The following HTR4 variants were observed in gnomAD, a reference collection of about 807,000 sequenced individuals.
HTR4 encodes 5-hydroxytryptamine (serotonin) receptor 4, G protein-coupled.
A neutral mutation model predicts 36.8 loss-of-function variants in HTR4; 16 were observed. The observed-to-expected ratio is 0.43, with a 90% CI of 0.29 to 0.66. The LOEUF (loss-of-function observed/expected upper bound fraction) is 0.66. Ranked by LOEUF, HTR4 falls within the 30% of genes least tolerant of loss-of-function variation. The probability of loss-of-function intolerance (pLI) is 0.13; values close to 1 mark genes in which losing one functional copy is unlikely to be tolerated. For synonymous variants in HTR4, 189 were observed against 185.1 expected (o/e 1.02, Z -0.17); for missense variants, 438 against 490.9 (o/e 0.89, Z 1.02).
Position 148,605,675 on chromosome 5 carries a change from C to T in HTR4, c.26+31314G>A, listed in dbSNP as rs182030891. Reference sequence around the variant, plus strand: ...CCCTTCAGGACAAATTATCTATGGCCCTGAAGTCAGGATCATGTAACAGAT... The same window carrying T: ...CCCTTCAGGACAAATTATCTATGGCTCTGAAGTCAGGATCATGTAACAGAT... On this transcript the variant is annotated intron_variant, in intron 2 of 6. Transcript: ENST00000377888. 2.1e-3 allele frequency among the ~76,000 whole-genome samples: 324 copies of T among 151,790 alleles called. 1 individual carries two copies. Among genetic ancestry groups the T allele is most frequent in the Non-Finnish European group, 4.2e-3 (288 of 67,938 alleles).
chr5:148,596,622 C>A (rs751491245), intron 2 of HTR4, among the ~76,000 whole-genome samples: 6 of 151,890 alleles, frequency 4.0e-5, no homozygotes, highest in Admixed American at 2.0e-4. Context: ...ATCACCACCC[C>A]CTTCTGCTGC....
chr5:148,625,897 T>A (rs1753084632), intron 2 of HTR4, among the ~76,000 whole-genome samples: 1 of 152,110 alleles, frequency 6.6e-6, no homozygotes, highest in South Asian at 2.1e-4. Flanking sequence ...TTTTTTTTTT[T>A]TTGAAGTGGA....
chr5:148,455,790 T>C (rs1011268748), intron 5 of HTR4, among the ~76,000 whole-genome samples: 8 of 152,202 alleles, frequency 5.3e-5, no homozygotes, highest in Admixed American at 3.9e-4. Flanking sequence ...ATTTTGTACT[T>C]ATAATAAAGT....
downstream of HTR4, among the ~76,000 whole-genome samples, chr5:148,472,947 G>A (rs141602716): frequency 3.3e-5 from 5 of 152,218 alleles, no homozygotes; most frequent in East Asian, 9.7e-4. Flanking sequence ...TTATTGTTGT[G>A]TGTGTATGTG....
At chr5:148,613,924 A>G (rs1159444919) in intron 2 of HTR4, among the ~76,000 whole-genome samples, 7 of 152,314 alleles carry the variant, frequency 4.6e-5, no homozygotes, top group Admixed American at 2.6e-4. Context: ...GTGAACTCCC[A>G]TTCACAATTG....
chr5:148,497,433 T>G (rs992323681), intron 6 of HTR4, among the ~76,000 whole-genome samples: 4 of 152,204 alleles, frequency 2.6e-5, no homozygotes, highest in African/African-American at 9.6e-5. Flanking sequence ...GGTTAATAAA[T>G]AATGGAAGCT....
At chr5:148,499,566 C>T (rs1305494264) in intron 6 of HTR4, among the ~76,000 whole-genome samples, 2 of 152,134 alleles carry the variant, frequency 1.3e-5, no homozygotes, top group Non-Finnish European at 2.9e-5. Flanking sequence ...TATGTTAGTT[C>T]TCCCTCAGAG....
At chr5:148,532,302 G>T (rs1352883386) in intron 4 of HTR4, among the ~76,000 whole-genome samples, 4 of 152,190 alleles carry the variant, frequency 2.6e-5, no homozygotes. Flanking sequence ...CAAGAGGTGG[G>T]AAAACCGTCC....
At chr5:148,513,216 C>A (rs1757578588) in intron 5 of HTR4, among the ~76,000 whole-genome samples, 1 of 152,064 alleles carries the variant, frequency 6.6e-6, no homozygotes, top group Non-Finnish European at 1.5e-5. Flanking sequence ...GTCTCAAACT[C>A]TAGGCTCAAG....
intron 2 of HTR4, among the ~76,000 whole-genome samples, chr5:148,572,835 C>A (rs1012930035): frequency 1.3e-5 from 2 of 152,052 alleles, no homozygotes; most frequent in African/African-American, 4.8e-5. Flanking sequence ...CATGTCAGAA[C>A]ATGACAGGCC....
intron 2 of HTR4, among the ~76,000 whole-genome samples, chr5:148,573,567 C>A (rs781686635): frequency 6.6e-6 from 1 of 151,948 alleles, no homozygotes; most frequent in East Asian, 1.9e-4. Flanking sequence ...TATATCTACT[C>A]AAAAACTCAT....
intron 5 of HTR4, among the ~76,000 whole-genome samples, chr5:148,457,800 TATC>T (rs1241622380): frequency 3.1e-5 from 4 of 130,932 alleles, no homozygotes; most frequent in African/African-American, 1.2e-4. Context: ...ATCATTAAAA[TATC>T]ATATATTTTG....
chr5:148,458,662 G>C (rs1423697217), intron 5 of HTR4, among the ~76,000 whole-genome samples: 1 of 152,190 alleles, frequency 6.6e-6, no homozygotes, highest in Non-Finnish European at 1.5e-5. Context: ...GCAGGCAAAA[G>C]GACCAGCAAG....
chr5:148,539,272 C>G (rs1403487105), intron 4 of HTR4, among the ~76,000 whole-genome samples: 2 of 152,100 alleles, frequency 1.3e-5, no homozygotes, highest in Admixed American at 6.6e-5. Context: ...TATAAAAACT[C>G]TGGAAGAGAA....
At chr5:148,489,267 G>T (rs1160465407) in intron 6 of HTR4, among the ~76,000 whole-genome samples, 1 of 152,168 alleles carries the variant, frequency 6.6e-6, no homozygotes, top group Non-Finnish European at 1.5e-5. Flanking sequence ...GCAGGCTCTG[G>T]CTGAGTGGAA....
At chr5:148,639,147 A>C (rs1479136874) in intron 1 of HTR4, among the ~76,000 whole-genome samples, 2 of 151,934 alleles carry the variant, frequency 1.3e-5, no homozygotes, top group East Asian at 3.9e-4. Flanking sequence ...GGTCCAAGCC[A>C]CCAATTTCTT....
At chr5:148,477,556 G>A (rs1436067263), downstream of HTR4, among the ~76,000 whole-genome samples, 1 of 152,094 alleles carries the variant, frequency 6.6e-6, no homozygotes, top group Non-Finnish European at 1.5e-5. Context: ...CTGCATCCTT[G>A]GAAAAATTCC....
intron 6 of HTR4, among the ~76,000 whole-genome samples, chr5:148,487,752 T>C (rs911247540): frequency 4.0e-5 from 6 of 151,158 alleles, no homozygotes. Flanking sequence ...AGCTTAGAGA[T>C]AGAGACAGTA....
chr5:148,549,600 T>C (rs1442836034), intron 3 of HTR4, among the ~76,000 whole-genome samples: 1 of 152,156 alleles, frequency 6.6e-6, no homozygotes, highest in Non-Finnish European at 1.5e-5. Context: ...GATTACCAGA[T>C]ACAATACAGG....
Sources: allele counts gnomAD v4.1 joint callset (sites outside exome capture counted in the v4.1 genomes callset), GRCh38; gene constraint gnomAD v4.1.1; transcripts MANE v1.5; gene names NCBI Gene and HGNC (gene_info 2026-07-23, HGNC 2026-07-21).